UGT1A9: variants seen among roughly 807,000 people sequenced by gnomAD.
The protein encoded by UGT1A9 is UDP-glucuronosyltransferase 1A9.
UGT1A9 carries 35 observed loss-of-function variants against 45.0 expected under a neutral mutation model. The observed-to-expected ratio is 0.78, with a 90% CI of 0.59 to 1.03. The LOEUF (loss-of-function observed/expected upper bound fraction) is 1.03. Ranked by LOEUF, UGT1A9 falls within the 50% of genes least tolerant of loss-of-function variation. The probability of loss-of-function intolerance (pLI) is 0.00; values close to 1 mark genes in which losing one functional copy is unlikely to be tolerated. For missense variants in UGT1A9, 687 were observed against 666.6 expected (o/e 1.03, Z -0.34); for synonymous variants, 278 against 250.6 (o/e 1.11, Z -1.03).
At chr2:233,744,264 T>C (rs1692755909) in intron 1 of UGT1A9, among the ~76,000 whole-genome samples, 2 of 151,788 alleles carry the variant, frequency 1.3e-5, no homozygotes, top group Admixed American at 1.3e-4. Flanking sequence ...CTGTTTTTCT[T>C]AAAGTAGGCT....
At chr2:233,768,032 T>A in intron 3 of UGT1A9, 96 bp downstream of exon 3, 1 of 1,612,548 alleles carries the variant, frequency 6.2e-7, no homozygotes, top group Non-Finnish European at 8.5e-7. Flanking sequence ...AGCTTGAAAA[T>A]ATTATGGCCA....
chr2:233,718,423 G>A (rs1017112190), intron 1 of UGT1A9, among the ~76,000 whole-genome samples: 2 of 152,246 alleles, frequency 1.3e-5, no homozygotes. Context: ...CAGAGAACAT[G>A]TGGTTGGGGA....
At chr2:233,731,193 A>G (rs750244105) in intron 1 of UGT1A9, among the ~76,000 whole-genome samples, 7 of 152,062 alleles carry the variant, frequency 4.6e-5, no homozygotes, top group East Asian at 1.9e-4. Flanking sequence ...TAATTATTCA[A>G]TTATAAAATA....
At chr2:233,718,710 T>C in intron 1 of UGT1A9, 1 of 1,606,198 alleles carries the variant, frequency 6.2e-7, no homozygotes, top group Admixed American at 1.7e-5. Flanking sequence ...TGTCTTCCAA[T>C]TACATGCTGA....
intron 1 of UGT1A9, chr2:233,752,303 GC>G (rs1430654409): frequency 6.6e-6 from 1 of 152,154 alleles, no homozygotes; most frequent in Non-Finnish European, 1.5e-5. Context: ...GCCTTTCCTT[GC>G]CCGGTGTGCT....
At chr2:233,736,931 A>ACCTATAT (rs1358475189) in intron 1 of UGT1A9, among the ~76,000 whole-genome samples, 2 of 152,012 alleles carry the variant, frequency 1.3e-5, no homozygotes, top group Non-Finnish European at 2.9e-5. Context: ...AGGCGCACCC[A>ACCTATAT]CCTATATGAG....
intron 1 of UGT1A9, among the ~76,000 whole-genome samples, chr2:233,758,422 T>G (rs1696873705): frequency 6.6e-6 from 1 of 152,238 alleles, no homozygotes; most frequent in South Asian, 2.1e-4. Flanking sequence ...AATCTGCAAA[T>G]GAACTCACAC....
chr2:233,764,618 A>G (rs1306085339), intron 1 of UGT1A9, among the ~76,000 whole-genome samples: 3 of 152,108 alleles, frequency 2.0e-5, no homozygotes, highest in Non-Finnish European at 2.9e-5. Flanking sequence ...AGTGGGTTTC[A>G]TGAAGAGCAA....
intron 1 of UGT1A9, chr2:233,743,927 C>A (rs773932018): frequency 1.2e-5 from 17 of 1,360,072 alleles, no homozygotes; most frequent in Non-Finnish European, 1.6e-5. Context: ...GCTGGATGGC[C>A]AGAACGGCCC....
At position 233,672,322 on chromosome 2, in the gene UGT1A9, G is replaced by C. The variant is rs376368364; in HGVS notation, c.388G>C (p.Asp130His). Residue 130 changes from aspartate to histidine, a missense_variant, in exon 1 of 5, where the codon GAC (aspartate) becomes CAC (histidine). Physicochemically the swap from Asp to His is moderately conservative, Grantham distance 81 (BLOSUM62 -1). Transcript: ENST00000354728. ...FFSNCRSLFK[D>H]KKLVEYLKES... Reference sequence around the variant, plus strand: ...TTCAAATTGCAGGAGTTTGTTTAAAGACAAAAAATTAGTAGAATACTTAAA... The same window carrying C: ...TTCAAATTGCAGGAGTTTGTTTAAACACAAAAAATTAGTAGAATACTTAAA... The C allele has an allele frequency of 1.4e-5, 22 of 1,613,884 alleles. No homozygotes were observed. The African/African-American group carries it at 2.8e-4, about 21-fold the overall frequency.
At chr2:233,705,432 A>G (rs778048024) in intron 1 of UGT1A9, among the ~76,000 whole-genome samples, 4 of 152,198 alleles carry the variant, frequency 2.6e-5, no homozygotes, top group Non-Finnish European at 5.9e-5. Flanking sequence ...CTCATAACTT[A>G]TCCTTCAGAA....
intron 1 of UGT1A9, among the ~76,000 whole-genome samples, chr2:233,704,154 G>C (rs577048588): frequency 7.5e-4 from 114 of 151,806 alleles, no homozygotes; most frequent in Middle Eastern, 3.4e-3. Flanking sequence ...GCCTTTCAAA[G>C]TACTGGGATT....
intron 1 of UGT1A9, chr2:233,693,522 G>A (rs2075160546): frequency 1.2e-6 from 2 of 1,614,162 alleles, no homozygotes; most frequent in Middle Eastern, 1.6e-4. Flanking sequence ...CTCTTCAGGG[G>A]TTTTCCGTGT....
chr2:233,739,456 G>A (rs1691109479), intron 1 of UGT1A9, among the ~76,000 whole-genome samples: 1 of 152,244 alleles, frequency 6.6e-6, no homozygotes, highest in African/African-American at 2.4e-5. Flanking sequence ...CACAGGGTTG[G>A]AGCTGCCTGA....
At chr2:233,724,341 C>T (rs1350319143) in intron 1 of UGT1A9, among the ~76,000 whole-genome samples, 3 of 121,020 alleles carry the variant, frequency 2.5e-5, no homozygotes, top group South Asian at 3.0e-4. Flanking sequence ...GGGGGGCTGA[C>T]CCCCCCCACC....
chr2:233,760,219 C>T (rs2125980617), intron 1 of UGT1A9: 1 of 1,593,340 alleles, frequency 6.3e-7, no homozygotes, highest in Non-Finnish European at 8.5e-7. Flanking sequence ...CTTGGTGTAT[C>T]GATTGGTTTT....
chr2:233,726,176 A>G (rs540012299), intron 1 of UGT1A9, among the ~76,000 whole-genome samples: 204 of 152,304 alleles, frequency 1.3e-3, no homozygotes, highest in African/African-American at 4.7e-3. Context: ...AAAAAAATAA[A>G]AATTTCTTTG....
At chr2:233,704,044 A>C (rs4521035) in intron 1 of UGT1A9, among the ~76,000 whole-genome samples, 86,978 of 151,728 alleles carry the variant, frequency 0.57, 26,924 homozygotes, top group African/African-American at 0.82. Flanking sequence ...GTGTGCACCA[A>C]CATGCCTGGC....
At chr2:233,717,510 G>T (rs1057270188) in intron 1 of UGT1A9, among the ~76,000 whole-genome samples, 6 of 152,198 alleles carry the variant, frequency 3.9e-5, no homozygotes, top group Admixed American at 3.9e-4. Context: ...ATTTCTAATG[G>T]GAGTAACTTC....
Sources: gnomAD v4.1 joint callset for allele counts (sites outside exome capture counted in the v4.1 genomes callset) on GRCh38, gnomAD v4.1.1 for gene constraint, MANE v1.5 for transcripts, NCBI Gene and HGNC (gene_info 2026-07-23, HGNC 2026-07-21) for gene names.